The following FNDC3B variants were observed in gnomAD, a reference collection of about 807,000 sequenced individuals.
FNDC3B encodes fibronectin type III domain-containing protein 3B.
Under a neutral mutation model 151.5 loss-of-function variants are expected in FNDC3B, and 12 were observed. The ratio of observed to expected loss-of-function variants is 0.08; its 90% CI spans 0.05 to 0.13. FNDC3B has a LOEUF of 0.13. Ranked by LOEUF, FNDC3B falls within the 10% of genes least tolerant of loss-of-function variation. FNDC3B has a pLI of 1.00. For missense variants in FNDC3B, 1,214 were observed against 1,505.3 expected (o/e 0.81, Z 3.20); for synonymous variants, 528 against 549.0 (o/e 0.96, Z 0.54).
chr3:172,059,496 A>G (rs928332467), intron 1 of FNDC3B, among the ~76,000 whole-genome samples: 5 of 152,196 alleles, frequency 3.3e-5, no homozygotes, highest in Non-Finnish European at 7.4e-5. Context: ...AAAAGTTTGC[A>G]TCTGAAAAAT....
At chr3:172,387,440 A>G (rs1735776929) in intron 25 of FNDC3B, among the ~76,000 whole-genome samples, 1 of 152,152 alleles carries the variant, frequency 6.6e-6, no homozygotes, top group Non-Finnish European at 1.5e-5. Flanking sequence ...CATTTCCCTA[A>G]TACAGAAATT....
rs761917415 is a variant in FNDC3B at position 172,295,420 on chromosome 3, T to C, written c.907T>C (p.Ser303Pro). The C allele has an allele frequency of 1.3e-5, 21 of 1,613,992 alleles. No homozygotes were observed. The highest frequency in any genetic ancestry group is 1.6e-5 in the Non-Finnish European group (19 of 1,179,936). The change falls in exon 8 of 26, where the codon TCC (serine) becomes CCC (proline). Residue 303 changes from serine (S) to proline (P), a missense_variant. Coordinates refer to ENST00000415807, the MANE Select transcript of FNDC3B (RefSeq NM_022763.4). ...GTCCTGGGCTCCCCCTGTTGGACTT[T>C]CCTGTGGACCCCACAGTGGTCTTTC... is the stretch of plus-strand genomic sequence containing the variant. ...VLSWAPPVGL[S>P]CGPHSGLSFP...
chr3:172,092,981 G>A (rs912504183), intron 1 of FNDC3B, among the ~76,000 whole-genome samples: 2 of 151,970 alleles, frequency 1.3e-5, no homozygotes, highest in East Asian at 3.9e-4. Context: ...ACCACACCTG[G>A]CTACTTTTTT....
chr3:172,312,283 C>A (rs540686826), intron 11 of FNDC3B, among the ~76,000 whole-genome samples: 3 of 152,204 alleles, frequency 2.0e-5, no homozygotes, highest in Non-Finnish European at 4.4e-5. Context: ...TTCTTAGGAT[C>A]GTTTCGAATA....
Position 172,310,877 on chromosome 3 carries a change from A to T in FNDC3B, c.1250A>T (p.Asp417Val). 6.2e-7 allele frequency: 1 copy of T among 1,608,988 alleles called. No individual in the cohort carries two copies. Among genetic ancestry groups the T allele is most frequent in the Non-Finnish European group, 8.5e-7 (1 of 1,175,270 alleles). Reference protein sequence around the residue: ...SKITNYLLEWDEGKRNSGFRQ... With the variant: ...SKITNYLLEWVEGKRNSGFRQ... ...ATCACCAACTACCTTTTAGAGTGGG[A>T]TGAGGTAAGCTTATTTTCATATTCA... is the stretch of plus-strand genomic sequence containing the variant. The change falls in exon 11 of 26, where the codon GAT (aspartate) becomes GTT (valine). Residue 417 changes from aspartate (D) to valine (V), a missense_variant. This residue lies in a region of FNDC3B where 156 missense variants were observed against 225.3 expected (regional missense o/e 0.69). Transcript: ENST00000415807.
intron 2 of FNDC3B, chr3:172,126,904 T>C (rs971501866): frequency 1.8e-5 from 7 of 386,596 alleles, no homozygotes; most frequent in Non-Finnish European, 3.7e-5. Context: ...TGTAAAGGGC[T>C]TAGATTTCAG....
intron 3 of FNDC3B, among the ~76,000 whole-genome samples, chr3:172,226,487 A>G (rs918481541): frequency 1.3e-5 from 2 of 152,300 alleles, no homozygotes; most frequent in Non-Finnish European, 2.9e-5. Context: ...AAATAATTTT[A>G]TAATTGATTT....
At chr3:172,374,103 G>A (rs1235437355) in intron 23 of FNDC3B, among the ~76,000 whole-genome samples, 1 of 152,180 alleles carries the variant, frequency 6.6e-6, no homozygotes, top group Admixed American at 6.5e-5. Flanking sequence ...GTCTCTGCCT[G>A]TACTTCACTG....
At chr3:172,306,725 T>G (rs1468780258) in intron 9 of FNDC3B, among the ~76,000 whole-genome samples, 2 of 152,206 alleles carry the variant, frequency 1.3e-5, no homozygotes, top group Non-Finnish European at 2.9e-5. Flanking sequence ...GCCAAACATT[T>G]TAGTGTACAG....
intron 1 of FNDC3B, among the ~76,000 whole-genome samples, chr3:172,094,574 T>C (rs1310306833): frequency 6.6e-6 from 1 of 152,208 alleles, no homozygotes; most frequent in Non-Finnish European, 1.5e-5. Flanking sequence ...TCCATTCTTC[T>C]GTTGGATGGT....
intron 2 of FNDC3B, among the ~76,000 whole-genome samples, chr3:172,129,166 C>G (rs1163411932): frequency 6.6e-6 from 1 of 152,112 alleles, no homozygotes; most frequent in East Asian, 1.9e-4. Flanking sequence ...GATATGGAGT[C>G]TCACTATGTT....
intron 9 of FNDC3B, among the ~76,000 whole-genome samples, chr3:172,306,626 T>G (rs79653511): frequency 0.033 from 5,082 of 152,332 alleles, 175 homozygotes; most frequent in African/African-American, 0.087. Context: ...TATTTTATGC[T>G]ATTTGAAGAG....
intron 11 of FNDC3B, among the ~76,000 whole-genome samples, chr3:172,324,544 A>C (rs187409073): frequency 1.1e-3 from 159 of 144,308 alleles, no homozygotes; most frequent in Admixed American, 3.1e-3. Context: ...TTGTACTCCA[A>C]GATTTCTTCA....
intron 19 of FNDC3B, chr3:172,345,814 T>C (rs948887386): frequency 6.6e-6 from 1 of 152,292 alleles, no homozygotes; most frequent in Non-Finnish European, 1.5e-5. Context: ...TGGATACCCT[T>C]GAATAGGTGA....
At chr3:172,278,004 C>A (rs1037262758) in intron 6 of FNDC3B, among the ~76,000 whole-genome samples, 1 of 152,182 alleles carries the variant, frequency 6.6e-6, no homozygotes, top group Non-Finnish European at 1.5e-5. Context: ...ATTTGATACC[C>A]ATATCAGGTG....
chr3:172,379,280 G>T (rs1735311226), intron 24 of FNDC3B, among the ~76,000 whole-genome samples: 2 of 152,242 alleles, frequency 1.3e-5, no homozygotes, highest in South Asian at 2.1e-4. Flanking sequence ...GGGACAGACA[G>T]CACAAGTGGC....
At chr3:172,357,703 G>T (rs1008096804) in intron 22 of FNDC3B, among the ~76,000 whole-genome samples, 1 of 151,430 alleles carries the variant, frequency 6.6e-6, no homozygotes, top group South Asian at 2.1e-4. Context: ...AATGCAACAA[G>T]ACATCATTTC....
At chr3:172,123,536 G>C (rs748336803) in intron 2 of FNDC3B, among the ~76,000 whole-genome samples, 3 of 152,138 alleles carry the variant, frequency 2.0e-5, no homozygotes, top group Non-Finnish European at 4.4e-5. Flanking sequence ...TTATATTGGA[G>C]TGTTGAGTTG....
At chr3:172,249,726 C>T (rs1275051361) in intron 5 of FNDC3B, among the ~76,000 whole-genome samples, 1 of 152,194 alleles carries the variant, frequency 6.6e-6, no homozygotes. Context: ...TGGATACACA[C>T]TCTCTGAATA....
Sources: allele counts gnomAD v4.1 joint callset (sites outside exome capture counted in the v4.1 genomes callset), GRCh38; gene constraint gnomAD v4.1.1; regional missense constraint gnomAD v4.1.1; transcripts MANE v1.5; gene names NCBI Gene and HGNC (gene_info 2026-07-23, HGNC 2026-07-21).